The following CPQ variants were observed in gnomAD, a reference collection of about 807,000 sequenced individuals.
CPQ encodes the protein Ser-Met dipeptidase.
CPQ carries 37 observed loss-of-function variants against 45.7 expected under a neutral mutation model. The ratio of observed to expected loss-of-function variants is 0.81; its 90% CI spans 0.62 to 1.07. The LOEUF is 1.07. Among genes scored for constraint, CPQ ranks in the 50% least tolerant of loss-of-function variants. The pLI, the probability that CPQ is intolerant of heterozygous loss-of-function variation, is 0.00. For synonymous variants in CPQ, 186 were observed against 205.8 expected, an observed-to-expected ratio of 0.90 and a Z score of 0.82; for missense variants, 537 against 572.9, an observed-to-expected ratio of 0.94 and a Z score of 0.64.
chr8:96,954,361 C>G (rs1813318168), intron 4 of CPQ, among the ~76,000 whole-genome samples: 3 of 151,784 alleles, frequency 2.0e-5, no homozygotes. Context: ...AATCTAATGA[C>G]AAGTCAAAAT....
intron 6 of CPQ, among the ~76,000 whole-genome samples, chr8:97,059,876 T>C (rs1277880261): frequency 1.3e-5 from 2 of 152,152 alleles, no homozygotes; most frequent in Non-Finnish European, 2.9e-5. Context: ...CCTGTGTCAG[T>C]GTGGAGTTTA....
intron 3 of CPQ, among the ~76,000 whole-genome samples, chr8:96,853,644 C>T (rs1036824142): frequency 1.3e-5 from 2 of 151,168 alleles, no homozygotes; most frequent in Admixed American, 1.3e-4. Context: ...TCTGAATTTA[C>T]GTGTTTTGAA....
chr8:96,760,758 A>G (rs914228042), intron 1 of CPQ, among the ~76,000 whole-genome samples: 1 of 152,222 alleles, frequency 6.6e-6, no homozygotes, highest in African/African-American at 2.4e-5. Flanking sequence ...ACTGGGACTT[A>G]AAAACCAGCA....
At chr8:97,101,090 A>C (rs1811296415) in intron 7 of CPQ, among the ~76,000 whole-genome samples, 1 of 152,170 alleles carries the variant, frequency 6.6e-6, no homozygotes, top group South Asian at 2.1e-4. Context: ...TGTTAGAGAA[A>C]GCTTTAGTGT....
chr8:96,809,749 C>G (rs1489738833), intron 2 of CPQ, among the ~76,000 whole-genome samples: 1 of 151,796 alleles, frequency 6.6e-6, no homozygotes, highest in Non-Finnish European at 1.5e-5. Flanking sequence ...ATAAATTATA[C>G]TTCAAAAAAA....
intron 4 of CPQ, among the ~76,000 whole-genome samples, chr8:96,925,624 CT>C (rs1812862558): frequency 6.6e-6 from 1 of 152,010 alleles, no homozygotes; most frequent in South Asian, 2.1e-4. Context: ...CTCAAGTGAT[CT>C]GCCCGCCTTG....
intron 5 of CPQ, among the ~76,000 whole-genome samples, chr8:97,014,545 G>A (rs1209747885): frequency 6.6e-6 from 1 of 151,560 alleles, no homozygotes; most frequent in Non-Finnish European, 1.5e-5. Flanking sequence ...TGGAGGCAGA[G>A]GCATGAGAAT....
intron 2 of CPQ, among the ~76,000 whole-genome samples, chr8:96,821,998 A>G (rs1045843562): frequency 2.0e-5 from 3 of 152,026 alleles, no homozygotes; most frequent in Non-Finnish European, 4.4e-5. Flanking sequence ...GATGTACAAC[A>G]TATCTCTTGA....
intron 1 of CPQ, among the ~76,000 whole-genome samples, chr8:96,780,926 T>C (rs1246121633): frequency 6.6e-6 from 1 of 152,078 alleles, no homozygotes; most frequent in East Asian, 1.9e-4. Flanking sequence ...AGAGTGAGAA[T>C]GAAAATCTGT....
chr8:97,087,003 T>C (rs1232965703), intron 7 of CPQ, among the ~76,000 whole-genome samples: 1 of 152,214 alleles, frequency 6.6e-6, no homozygotes, highest in Non-Finnish European at 1.5e-5. Flanking sequence ...CTAGTTTCAA[T>C]GGAAGTTTTT....
intron 1 of CPQ, among the ~76,000 whole-genome samples, chr8:96,660,971 T>G (rs985657174): frequency 2.0e-5 from 3 of 152,238 alleles, no homozygotes; most frequent in Non-Finnish European, 4.4e-5. Context: ...GTCATTTGCC[T>G]TCTTCTTTCA....
chr8:96,785,695 T>C (rs1810759457), intron 2 of CPQ, among the ~76,000 whole-genome samples: 1 of 152,198 alleles, frequency 6.6e-6, no homozygotes, highest in Admixed American at 6.5e-5. Flanking sequence ...GTGTGAATAA[T>C]TTTTTAGAAT....
chr8:96,810,226 A>G (rs1290639246), intron 2 of CPQ, among the ~76,000 whole-genome samples: 1 of 152,088 alleles, frequency 6.6e-6, no homozygotes, highest in Non-Finnish European at 1.5e-5. Context: ...ACCAGATTTC[A>G]CTATAAGTAG....
At chr8:97,071,987 A>T (rs1334780075) in intron 7 of CPQ, among the ~76,000 whole-genome samples, 1 of 152,142 alleles carries the variant, frequency 6.6e-6, no homozygotes, top group Non-Finnish European at 1.5e-5. Flanking sequence ...GTAGTGGAAG[A>T]GAGAATGTCT....
intron 6 of CPQ, among the ~76,000 whole-genome samples, chr8:97,035,926 C>T (rs1022954364): frequency 2.0e-5 from 3 of 152,114 alleles, no homozygotes; most frequent in Non-Finnish European, 2.9e-5. Context: ...CCAAGATGGT[C>T]TCTATCTCCT....
At chr8:97,004,973 A>G (rs1586490069) in intron 5 of CPQ, among the ~76,000 whole-genome samples, 1 of 152,284 alleles carries the variant, frequency 6.6e-6, no homozygotes, top group East Asian at 1.9e-4. Context: ...AAATTTTTTT[A>G]TGAAGAAAAA....
chr8:96,862,480 A>G (rs1811939246), intron 3 of CPQ, among the ~76,000 whole-genome samples: 1 of 151,970 alleles, frequency 6.6e-6, no homozygotes, highest in South Asian at 2.1e-4. Flanking sequence ...ATAATTTGTG[A>G]TCAAATTTTG....
In CPQ at chr8:96,706,853, T is replaced by A. The variant is rs547124077; in HGVS notation, c.-35+61451T>A. Among the ~76,000 whole-genome samples the A allele has an allele frequency of 1.7e-4, 26 of 152,270 alleles. No homozygotes were observed. The South Asian group carries it at 1.9e-3, about 11-fold the overall frequency. On this transcript the variant is annotated intron_variant, in intron 1 of 7. Coordinates refer to ENST00000220763, the MANE Select transcript of CPQ (RefSeq NM_016134.4). Reference sequence around the variant, plus strand: ...TTCAGTAATGATCTTGCTATTCAAATTTTCTATTTCTTACAACCATAATCT... The same window carrying A: ...TTCAGTAATGATCTTGCTATTCAAAATTTCTATTTCTTACAACCATAATCT...
chr8:96,931,495 C>G (rs1002987136), intron 4 of CPQ, among the ~76,000 whole-genome samples: 1 of 152,132 alleles, frequency 6.6e-6, no homozygotes, highest in Non-Finnish European at 1.5e-5. Context: ...TTGGAATGCT[C>G]ACGCTCCTGG....
Sources: gnomAD v4.1 joint callset for allele counts (sites outside exome capture counted in the v4.1 genomes callset) on GRCh38, gnomAD v4.1.1 for gene constraint, MANE v1.5 for transcripts, NCBI Gene and HGNC (gene_info 2026-07-23, HGNC 2026-07-21) for gene names.